The following WDFY2 variants were observed in gnomAD, a reference collection of about 807,000 sequenced individuals.
The protein encoded by WDFY2 is WD repeat and FYVE domain-containing protein 2.
In WDFY2, 36 loss-of-function variants were observed where a neutral mutation model predicts 56.4. The observed-to-expected ratio is 0.64, with a 90% CI of 0.49 to 0.84. WDFY2 has a LOEUF of 0.84. Ranked by LOEUF, WDFY2 falls within the 40% of genes least tolerant of loss-of-function variation. The probability of loss-of-function intolerance (pLI) is 0.00; values close to 1 mark genes in which losing one functional copy is unlikely to be tolerated. For synonymous variants in WDFY2, 176 were observed against 183.7 expected (o/e 0.96, Z 0.34); for missense variants, 444 against 512.2 (o/e 0.87, Z 1.29).
Position 51,739,747 on chromosome 13 carries a change from G to C in WDFY2, c.725+572G>C, listed in dbSNP as rs573492315. 7.6e-4 allele frequency among the ~76,000 whole-genome samples: 116 copies of C among 152,236 alleles called. 5 individuals are homozygous for C. In the South Asian group the frequency reaches 0.024, roughly 32 times the overall value. On this transcript the variant is annotated intron_variant, in intron 7 of 11. Transcript: ENST00000298125. ...TTGGAGCAGTTCTCAAACTTTGCTG[G>C]GTACAGAGAATCTCTGAGATGTCCG...
chr13:51,654,523 T>C (rs1189151224), intron 1 of WDFY2, among the ~76,000 whole-genome samples: 1 of 152,188 alleles, frequency 6.6e-6, no homozygotes, highest in African/African-American at 2.4e-5. Flanking sequence ...CTGGAGCTGT[T>C]CCTGATCGGC....
In WDFY2 at chr13:51,596,102, TG is replaced by T. The variant is rs543064339; in HGVS notation, c.137+11283del. 3.9e-4 allele frequency among the ~76,000 whole-genome samples: 60 copies of T among 152,328 alleles called. 1 individual carries two copies. Among genetic ancestry groups the T allele is most frequent in the Admixed American group, 2.0e-3 (31 of 15,302 alleles). ...CTCAGTAACCTGTTTTAGTGTTCGTTGGGGGAGAAGGAGTGTTGGAATGGCT... is the reference window on the plus strand; with the variant it reads ...CTCAGTAACCTGTTTTAGTGTTCGTTGGGGAGAAGGAGTGTTGGAATGGCT... On this transcript the variant is annotated intron_variant, in intron 1 of 11. Transcript: ENST00000298125.
At chr13:51,706,199 T>G (rs1043833968) in intron 4 of WDFY2, among the ~76,000 whole-genome samples, 2 of 152,218 alleles carry the variant, frequency 1.3e-5, no homozygotes, top group African/African-American at 4.8e-5. Flanking sequence ...AATGATAAAG[T>G]GACACTTCGT....
chr13:51,689,105 C>T (rs1593414672), intron 3 of WDFY2, among the ~76,000 whole-genome samples: 2 of 152,130 alleles, frequency 1.3e-5, no homozygotes, highest in South Asian at 4.1e-4. Flanking sequence ...TTGCCAGAGG[C>T]GGTCTTGAAA....
At chr13:51,704,741 T>G (rs1952049751) in intron 4 of WDFY2, among the ~76,000 whole-genome samples, 1 of 152,218 alleles carries the variant, frequency 6.6e-6, no homozygotes, top group South Asian at 2.1e-4. Flanking sequence ...TAAAACAGTT[T>G]TTACATGTAT....
chr13:51,626,944 C>T (rs143445612), intron 1 of WDFY2, among the ~76,000 whole-genome samples: 1 of 152,330 alleles, frequency 6.6e-6, no homozygotes, highest in Non-Finnish European at 1.5e-5. Context: ...AAGGGCAAGC[C>T]AGGTGCAGAG....
At chr13:51,625,264 G>T (rs888624545) in intron 1 of WDFY2, among the ~76,000 whole-genome samples, 2 of 152,134 alleles carry the variant, frequency 1.3e-5, no homozygotes. Flanking sequence ...TGGTATTTCT[G>T]GTTAAGTACA....
rs964658870 is a variant in WDFY2 at position 51,767,059 on chromosome 13, C to T, written c.*7290C>T. ...TCAGCTTTTTCTTGTGCTTAGTAAA[C>T]TTTTCCAGTGAGGAGAAATGACTTC... On this transcript the variant is annotated 3_prime_UTR_variant, in exon 12 of 12. Transcript: ENST00000298125. 1 of 152,284 alleles carries T rather than the reference C, an allele frequency of 6.6e-6. No individual in the cohort carries two copies. The highest frequency in any genetic ancestry group is 1.5e-5 in the Non-Finnish European group (1 of 68,058). The allele number at this position is 152,284 out of a possible 1,614,324, so 9.4% of individuals were successfully genotyped here.
chr13:51,716,715 A>C (rs1181240481), intron 4 of WDFY2, among the ~76,000 whole-genome samples: 1 of 140,398 alleles, frequency 7.1e-6, no homozygotes, highest in Non-Finnish European at 1.5e-5. Context: ...AAAAAAAATC[A>C]ACAAGTGATC....
chr13:51,750,646 T>C (rs2138715788), intron 7 of WDFY2, among the ~76,000 whole-genome samples: 1 of 152,140 alleles, frequency 6.6e-6, no homozygotes, highest in South Asian at 2.1e-4. Flanking sequence ...AACTAGATTC[T>C]CCATCATTTT....
chr13:51,760,487 A>C lies in WDFY2; in HGVS notation c.*718A>C, dbSNP rs1261873444. ...AAATGCTGTGAGAAAGCTGCTCCCA[A>C]CCATGGTTATCACAGAAGTAGATTA... On this transcript the variant is annotated 3_prime_UTR_variant, in exon 12 of 12. Transcript: ENST00000298125. 1 of 152,026 alleles carries C rather than the reference A, an allele frequency of 6.6e-6. No homozygotes were observed. Among genetic ancestry groups the C allele is most frequent in the Non-Finnish European group, 1.5e-5 (1 of 68,018 alleles). 9.4% of individuals were successfully genotyped at this position (152,026 alleles called of 1,614,324 possible).
At chr13:51,662,471 C>T (rs888857006) in intron 2 of WDFY2, among the ~76,000 whole-genome samples, 10 of 152,002 alleles carry the variant, frequency 6.6e-5, no homozygotes, top group Non-Finnish European at 1.0e-4. Flanking sequence ...GGATGGCAAG[C>T]GAGGAATCTT....
rs373934849 is a variant in WDFY2 at position 51,639,662 on chromosome 13, C to G, written c.138-20934C>G. Among the ~76,000 whole-genome samples the G allele has an allele frequency of 2.6e-5, 4 of 152,056 alleles. No individual in the cohort carries two copies. In the East Asian group the frequency reaches 5.8e-4, roughly 22 times the overall value. ...TTCCATCCAGAAACTCAGTACTTGT[C>G]TCTTTGTCATAAAGGAAAGTAGATG... On this transcript the variant is annotated intron_variant, in intron 1 of 11. Coordinates refer to ENST00000298125, the MANE Select transcript of WDFY2 (RefSeq NM_052950.4).
At position 51,594,629 on chromosome 13, in the gene WDFY2, G is replaced by A. The variant is rs9316549; in HGVS notation, c.137+9805G>A. 7.5e-3 allele frequency among the ~76,000 whole-genome samples: 1,140 copies of A among 152,248 alleles called. 10 individuals are homozygous for A. The highest frequency in any genetic ancestry group is 0.026 in the African/African-American group (1,098 of 41,518). On this transcript the variant is annotated intron_variant, in intron 1 of 11. Coordinates refer to ENST00000298125, the MANE Select transcript of WDFY2 (RefSeq NM_052950.4). Reference sequence around the variant, plus strand: ...TTTTCTTGATTGCTTGCCACTATGTGTCTGCAATGATAGCCCTAATCTCTC... The same window carrying A: ...TTTTCTTGATTGCTTGCCACTATGTATCTGCAATGATAGCCCTAATCTCTC...
intron 1 of WDFY2, among the ~76,000 whole-genome samples, chr13:51,621,233 G>A (rs990585531): frequency 4.6e-5 from 7 of 152,156 alleles, no homozygotes; most frequent in Admixed American, 2.0e-4. Context: ...GGCCGGGCGC[G>A]GTGGCTCACG....
At chr13:51,731,942 G>A (rs995150287) in intron 6 of WDFY2, among the ~76,000 whole-genome samples, 1 of 152,134 alleles carries the variant, frequency 6.6e-6, no homozygotes, top group Non-Finnish European at 1.5e-5. Flanking sequence ...TAGTAGTCAT[G>A]TCCAAAGGCC....
At chr13:51,738,562 A>T (rs1952894103) in intron 6 of WDFY2, among the ~76,000 whole-genome samples, 1 of 152,240 alleles carries the variant, frequency 6.6e-6, no homozygotes, top group Non-Finnish European at 1.5e-5. Context: ...CTGTAAATTA[A>T]AATTCCCAAA....
intron 3 of WDFY2, among the ~76,000 whole-genome samples, chr13:51,682,509 T>C (rs910979779): frequency 9.9e-5 from 15 of 152,160 alleles, no homozygotes; most frequent in Non-Finnish European, 1.5e-4. Flanking sequence ...TGAATGAATA[T>C]AGTTTATTGA....
chr13:51,711,968 CT>C (rs1952228924), intron 4 of WDFY2, among the ~76,000 whole-genome samples: 1 of 152,164 alleles, frequency 6.6e-6, no homozygotes, highest in South Asian at 2.1e-4. Context: ...ATAAATCATC[CT>C]GCTATAAAGA....
Sources: allele counts gnomAD v4.1 joint callset (sites outside exome capture counted in the v4.1 genomes callset), GRCh38; gene constraint gnomAD v4.1.1; transcripts MANE v1.5; gene names NCBI Gene and HGNC (gene_info 2026-07-23, HGNC 2026-07-21).